CSTF1: variants seen among roughly 807,000 people sequenced by gnomAD.
CSTF1 encodes CF-1 50 kDa subunit.
Under a neutral mutation model 40.9 loss-of-function variants are expected in CSTF1, and 2 were observed. The ratio of observed to expected loss-of-function variants is 0.05; its 90% CI spans 0.02 to 0.15. The LOEUF (loss-of-function observed/expected upper bound fraction) is 0.15, where lower values mean the gene tolerates loss of function less well. Among genes scored for constraint, CSTF1 ranks in the 10% least tolerant of loss-of-function variants. CSTF1 has a pLI of 1.00. For missense variants in CSTF1, 279 were observed against 558.9 expected, an observed-to-expected ratio of 0.50 and a Z score of 5.05; for synonymous variants, 218 against 207.2, an observed-to-expected ratio of 1.05 and a Z score of -0.45.
At chr20:56,395,940 G>T in intron 2 of CSTF1, 2 of 506,152 alleles carry the variant, frequency 4.0e-6, no homozygotes, top group South Asian at 5.6e-5. Flanking sequence ...CTGGCCTGAG[G>T]GTCTTTGTAC....
At chr20:56,396,909 T>C (rs1172483172) in intron 2 of CSTF1, 1 of 288,872 alleles carries the variant, frequency 3.5e-6, no homozygotes, top group African/African-American at 2.2e-5. Flanking sequence ...AGAACTGCTA[T>C]TTTTTGAGTT....
In CSTF1 at chr20:56,397,183, G is replaced by A. The variant is rs369072322; in HGVS notation, c.170-24G>A. 3.3e-5 allele frequency: 52 copies of A among 1,595,498 alleles called. No homozygotes were observed. Among genetic ancestry groups the A allele is most frequent in the South Asian group, 2.8e-4 (25 of 89,058 alleles). ...TAAGAAAAAACACTTGTTTTGTTAC[G>A]CCCTTAATTTTGATTTCTTTCAGGA... On this transcript the variant is annotated intron_variant, in intron 2 of 5. Transcript: ENST00000217109. The surrounding 1 kb of genome is among the most constrained non-coding windows in gnomAD (Gnocchi z 4.4).
rs9808592 is a variant in CSTF1 at position 56,395,836 on chromosome 20, C to G, written c.169+115C>G. ...TTCAGTACCTAGTATGAGCCGGGTA[C>G]TTCAGTAAGTAAGTAGTTCAGCATG... On this transcript the variant is annotated intron_variant, in intron 2 of 5. Transcript: ENST00000217109. 3.2e-4 allele frequency: 352 copies of G among 1,097,774 alleles called. 1 individual carries two copies. In the African/African-American group the frequency reaches 5.3e-3, roughly 16 times the overall value. 68.0% of individuals were successfully genotyped at this position (1,097,774 alleles called of 1,614,324 possible).
chr20:56,395,537 C>T lies in CSTF1; in HGVS notation c.-16C>T, dbSNP rs1305970832. On this transcript the variant is annotated 5_prime_UTR_variant, in exon 2 of 6. Coordinates refer to ENST00000217109, the MANE Select transcript of CSTF1 (RefSeq NM_001324.3). ...TTTTTGCAGCTGGCAGGGAAACTGT[C>T]TTCCTTTTCTCCAAGATGTACAGAA... 4.4e-6 allele frequency: 7 copies of T among 1,606,936 alleles called. No homozygotes were observed. In the South Asian group the frequency reaches 6.6e-5, roughly 15 times the overall value.
At position 56,397,969 on chromosome 20, in the gene CSTF1, C is replaced by T. The variant is rs756795384; in HGVS notation, c.645+128C>T. 32 of 710,710 alleles carry T rather than the reference C, an allele frequency of 4.5e-5. No homozygotes were observed. Among genetic ancestry groups the T allele is most frequent in the Admixed American group, 1.1e-4 (4 of 36,568 alleles). 44.0% of individuals were successfully genotyped at this position (710,710 alleles called of 1,614,324 possible). On this transcript the variant is annotated intron_variant, in intron 4 of 5. Coordinates refer to ENST00000217109, the MANE Select transcript of CSTF1 (RefSeq NM_001324.3). This position sits in a 1 kb window ranked among gnomAD's most constrained non-coding sequence, Gnocchi z 4.4. ...ATGCGTACAGACCAGGATGCATGCC[C>T]GATGGCACATGGATCAGATTTTGTT...
chr20:56,395,801 C>T (rs1987502908), intron 2 of CSTF1, 80 bp downstream of exon 2: 1 of 1,509,564 alleles, frequency 6.6e-7, no homozygotes, highest in African/African-American at 1.4e-5. Context: ...CAAGATTATT[C>T]TTGTTTTGTT....
rs1978673135 is a variant in CSTF1, at chr20:56,405,574, T to G, written c.*1847T>G. The G allele has an allele frequency of 6.6e-6, 1 of 152,240 alleles. No individual in the cohort carries two copies. Among genetic ancestry groups the G allele is most frequent in the Non-Finnish European group, 1.5e-5 (1 of 68,050 alleles). The allele number at this position is 152,240 out of a possible 1,614,324, so 9.4% of individuals were successfully genotyped here. A position where few individuals can be genotyped will look rare whatever the true frequency, so the allele number is the denominator to read the frequency against. On this transcript the variant is annotated 3_prime_UTR_variant, in exon 6 of 6. Transcript: ENST00000217109. ...GTTTTAGTCATCCTTGAGGATCGTT[T>G]TAACTCCTTGATCTGTAAAACTGTC...
Position 56,397,881 on chromosome 20 carries a change from A to C in CSTF1, c.645+40A>C, listed in dbSNP as rs183434691. ...AAAGGAGCTTTACATTTTTTCTTAA[A>C]TACAATGAGCTATTGTACAACTATT... On this transcript the variant is annotated intron_variant, in intron 4 of 5. Coordinates refer to ENST00000217109, the MANE Select transcript of CSTF1 (RefSeq NM_001324.3). The surrounding 1 kb of genome is among the most constrained non-coding windows in gnomAD (Gnocchi z 4.4). 1 of 1,454,184 alleles carries C rather than the reference A, an allele frequency of 6.9e-7. No homozygotes were observed. The highest frequency in any genetic ancestry group is 2.3e-5 in the East Asian group (1 of 44,088). 90.1% of individuals were successfully genotyped at this position (1,454,184 alleles called of 1,614,324 possible). A position where few individuals can be genotyped will look rare whatever the true frequency, so the allele number is the denominator to read the frequency against.
rs949282900 is a variant in CSTF1 at position 56,404,712 on chromosome 20, C to G, written c.*985C>G. 1.3e-5 allele frequency: 2 copies of G among 151,052 alleles called. No homozygotes were observed. The highest frequency in any genetic ancestry group is 2.9e-5 in the Non-Finnish European group (2 of 67,924). 9.4% of individuals were successfully genotyped at this position (151,052 alleles called of 1,614,324 possible). On this transcript the variant is annotated 3_prime_UTR_variant, in exon 6 of 6. Transcript: ENST00000217109. ...CCAGGTTGGAGTGCAGTGGCGTGAT[C>G]TCAGCTCACTGCAAGCTCCGCCTCC...
At chr20:56,403,214 G>A (rs930492824) in intron 5 of CSTF1, among the ~76,000 whole-genome samples, 16 of 150,692 alleles carry the variant, frequency 1.1e-4, no homozygotes, top group African/African-American at 3.4e-4. Context: ...TTGCTCTGTT[G>A]CCTGTTGCCC....
At chr20:56,403,439 A>G in intron 5 of CSTF1, 29 bp from the exon 6 acceptor site, 1 of 1,611,654 alleles carries the variant, frequency 6.2e-7, no homozygotes, top group South Asian at 1.1e-5. Flanking sequence ...GTGGACTTAG[A>G]AAGCTATCCC....
Position 56,395,615 on chromosome 20 carries a change from G to A in CSTF1, c.63G>A (p.Gln21=), listed in dbSNP as rs1460058534. The A allele has an allele frequency of 6.2e-7, 1 of 1,614,192 alleles. No homozygotes were observed. The highest frequency in any genetic ancestry group is 8.5e-7 in the Non-Finnish European group (1 of 1,180,020). The change falls in exon 2 of 6, where the codon CAG becomes CAA. Residue 21 remains glutamine (Q), a synonymous_variant. Transcript: ENST00000217109. ...AGCTCTACAAGCTGATCATTAGCCA[G>A]CTGCTATATGACGGCTACATCAGCA... ...RQQLYKLIIS[Q]LLYDGYISIA...
intron 5 of CSTF1, among the ~76,000 whole-genome samples, chr20:56,400,444 G>C (rs982184496): frequency 2.0e-5 from 3 of 152,168 alleles, no homozygotes; most frequent in Admixed American, 2.0e-4. Context: ...AAAGTGATCA[G>C]GGTAAATGTG....
At chr20:56,403,323 C>A in intron 5 of CSTF1, 145 bp from the exon 6 acceptor site, 3 of 984,806 alleles carry the variant, frequency 3.0e-6, no homozygotes, top group Non-Finnish European at 4.5e-6. Flanking sequence ...GTTTGATTTT[C>A]TTTTTTGTAC....
intron 4 of CSTF1, among the ~76,000 whole-genome samples, chr20:56,398,201 G>T (rs1475428515): frequency 1.3e-5 from 2 of 152,186 alleles, no homozygotes; most frequent in African/African-American, 4.8e-5. Flanking sequence ...TCCTGGCAAG[G>T]TGACATTCGG....
chr20:56,393,165 C>T (rs952643122), intron 1 of CSTF1, among the ~76,000 whole-genome samples: 1 of 102,394 alleles, frequency 9.8e-6, no homozygotes, highest in Non-Finnish European at 2.1e-5. Flanking sequence ...TATATACACA[C>T]ACATATGTGT....
chr20:56,399,153 G>A lies in CSTF1; in HGVS notation c.832G>A (p.Val278Ile), dbSNP rs140246355. 3.1e-5 allele frequency: 50 copies of A among 1,614,190 alleles called. No individual in the cohort carries two copies. Among genetic ancestry groups the A allele is most frequent in the Non-Finnish European group, 4.1e-5 (48 of 1,180,000 alleles). The change falls in exon 5 of 6, where the codon GTA (valine) becomes ATA (isoleucine). Residue 278 changes from valine to isoleucine, a missense_variant. By Grantham distance (29) the Val-to-Ile change is conservative. Around this residue, in one of 4 missense-constraint regions of CSTF1, gnomAD observed 162 missense variants for 337.1 expected, o/e 0.48. Coordinates refer to ENST00000217109, the MANE Select transcript of CSTF1 (RefSeq NM_001324.3). The surrounding 1 kb of genome is among the most constrained non-coding windows in gnomAD (Gnocchi z 4.6). ...VNYNSSANMY[V>I]TGSKDGCIKL... ...TTACAATTCTAGTGCCAATATGTAC[G>A]TAACTGGAAGCAAGGACGGCTGCAT...
At chr20:56,394,221 A>G (rs1277232937) in intron 1 of CSTF1, among the ~76,000 whole-genome samples, 1 of 152,268 alleles carries the variant, frequency 6.6e-6, no homozygotes, top group Non-Finnish European at 1.5e-5. Flanking sequence ...GCATGACGGT[A>G]TCTGGCATGC....
At chr20:56,403,247 C>T (rs528783729) in intron 5 of CSTF1, among the ~76,000 whole-genome samples, 12 of 151,936 alleles carry the variant, frequency 7.9e-5, no homozygotes, top group Middle Eastern at 3.4e-3. Context: ...AACTCCTGGG[C>T]TCAAGCAGCC....
Sources: allele counts gnomAD v4.1 joint callset (sites outside exome capture counted in the v4.1 genomes callset), GRCh38; gene constraint gnomAD v4.1.1; regional missense constraint gnomAD v4.1.1; non-coding constraint Gnocchi (gnomAD v3.1); transcripts MANE v1.5; gene names NCBI Gene and HGNC (gene_info 2026-07-23, HGNC 2026-07-21).